SDK1: variants seen among roughly 807,000 people sequenced by gnomAD.
SDK1 encodes the protein sidekick cell adhesion molecule 1.
A neutral mutation model predicts 245.5 loss-of-function variants in SDK1; 157 were observed. The ratio of observed to expected loss-of-function variants is 0.64; its 90% CI spans 0.56 to 0.73. SDK1 has a LOEUF of 0.73. Ranked by LOEUF, SDK1 falls within the 30% of genes least tolerant of loss-of-function variation. The pLI, the probability that SDK1 is intolerant of heterozygous loss-of-function variation, is 0.00. For missense variants in SDK1, 3,583 were observed against 3,002.3 expected, an observed-to-expected ratio of 1.19 and a Z score of -4.52; for synonymous variants, 1,647 against 1,278.5, an observed-to-expected ratio of 1.29 and a Z score of -6.15.
chr7:3,389,004 C>T (rs535051873), intron 1 of SDK1, among the ~76,000 whole-genome samples: 12 of 152,292 alleles, frequency 7.9e-5, no homozygotes, highest in African/African-American at 2.9e-4. Context: ...TACAGAATCA[C>T]TGATGGGGTC....
At chr7:3,890,010 T>G (rs1260423983) in intron 5 of SDK1, among the ~76,000 whole-genome samples, 2 of 152,096 alleles carry the variant, frequency 1.3e-5, no homozygotes, top group African/African-American at 2.4e-5. Context: ...CTCTGACTGG[T>G]TCAGTGGTCA....
intron 4 of SDK1, among the ~76,000 whole-genome samples, chr7:3,706,321 G>A (rs1784888301): frequency 6.6e-6 from 1 of 152,190 alleles, no homozygotes; most frequent in African/African-American, 2.4e-5. Flanking sequence ...CAGTCTTTTG[G>A]AATAGTTTCA....
intron 25 of SDK1, among the ~76,000 whole-genome samples, chr7:4,126,388 G>A (rs1784391100): frequency 6.6e-6 from 1 of 152,256 alleles, no homozygotes; most frequent in African/African-American, 2.4e-5. Flanking sequence ...GTTCAGTGAT[G>A]TTGTACACAG....
chr7:3,876,489 T>G (rs1160360423), intron 5 of SDK1, among the ~76,000 whole-genome samples: 4 of 152,208 alleles, frequency 2.6e-5, no homozygotes, highest in Non-Finnish European at 4.4e-5. Context: ...TCTCCTAAAA[T>G]GAACAGATGC....
chr7:3,590,936 C>T (rs1342613097), intron 1 of SDK1, among the ~76,000 whole-genome samples: 3 of 152,102 alleles, frequency 2.0e-5, no homozygotes, highest in African/African-American at 4.8e-5. Flanking sequence ...GCATGTGCCA[C>T]CACACGTGGC....
At chr7:3,761,068 G>T (rs1251328451) in intron 4 of SDK1, among the ~76,000 whole-genome samples, 1 of 152,096 alleles carries the variant, frequency 6.6e-6, no homozygotes, top group Non-Finnish European at 1.5e-5. Context: ...ACGTAGGAGT[G>T]GGTCAGATAA....
intron 1 of SDK1, among the ~76,000 whole-genome samples, chr7:3,474,472 C>G (rs532062712): frequency 1.3e-5 from 2 of 152,150 alleles, no homozygotes; most frequent in South Asian, 4.2e-4. Flanking sequence ...CTCAGTCTCT[C>G]CCTCCAGTCC....
At chr7:4,168,607 T>A (rs1282020503) in intron 32 of SDK1, among the ~76,000 whole-genome samples, 1 of 152,110 alleles carries the variant, frequency 6.6e-6, no homozygotes, top group African/African-American at 2.4e-5. Flanking sequence ...GCTTCCCTCC[T>A]CCCCCAGAAG....
At chr7:4,145,991 G>A in intron 29 of SDK1, 75 bp downstream of exon 29, 1 of 1,352,082 alleles carries the variant, frequency 7.4e-7, no homozygotes, top group South Asian at 1.4e-5. Flanking sequence ...TCTGGGGTCT[G>A]CGGGGTACCT....
At chr7:3,688,808 C>T (rs1355136279) in intron 4 of SDK1, among the ~76,000 whole-genome samples, 1 of 152,178 alleles carries the variant, frequency 6.6e-6, no homozygotes, top group African/African-American at 2.4e-5. Context: ...GATCCTGCCT[C>T]CATTCTGAGG....
rs11505475 is a variant in SDK1, at chr7:3,669,625, A to G, written c.713+27520A>G. 1.9e-3 allele frequency among the ~76,000 whole-genome samples: 286 copies of G among 152,074 alleles called. 1 individual carries two copies. Among genetic ancestry groups the G allele is most frequent in the African/African-American group, 6.1e-3 (253 of 41,484 alleles). ...TGTCTTTAAACCTTGGATTTCCTCA[A>G]TCCTTGGTCCTAGCACTTCACTACC... On this transcript the variant is annotated intron_variant, in intron 4 of 44. Transcript: ENST00000404826.
chr7:4,185,221 G>A (rs1782817837), intron 35 of SDK1, among the ~76,000 whole-genome samples: 1 of 152,174 alleles, frequency 6.6e-6, no homozygotes. Context: ...TGACTAGGTG[G>A]CCAGAAATTT....
At chr7:3,624,979 C>T (rs1782069119) in intron 2 of SDK1, among the ~76,000 whole-genome samples, 1 of 152,038 alleles carries the variant, frequency 6.6e-6, no homozygotes, top group Non-Finnish European at 1.5e-5. Context: ...GCGGAGGTTG[C>T]AGTAAGCCAA....
intron 5 of SDK1, among the ~76,000 whole-genome samples, chr7:3,895,818 C>T (rs1054491827): frequency 3.9e-5 from 6 of 152,272 alleles, no homozygotes; most frequent in South Asian, 2.1e-4. Context: ...TTCTAATTCC[C>T]TTTGCATTTT....
At chr7:4,101,307 C>G (rs565801454) in intron 22 of SDK1, among the ~76,000 whole-genome samples, 3 of 152,074 alleles carry the variant, frequency 2.0e-5, no homozygotes, top group African/African-American at 7.2e-5. Context: ...ACACCACGCC[C>G]GGCTAATTTT....
In SDK1 at chr7:4,110,672, A is replaced by G. The variant is rs201628045; in HGVS notation, c.3334A>G (p.Ile1112Val). 2.3e-4 allele frequency: 375 copies of G among 1,612,220 alleles called. No individual in the cohort carries two copies. The highest frequency in any genetic ancestry group is 1.9e-4 in the Non-Finnish European group (220 of 1,178,796). Residue 1112 changes from isoleucine to valine, a missense_variant, in exon 23 of 45, where the codon ATC becomes GTC. Ile to Val is a conservative substitution (Grantham distance 29). Transcript: ENST00000404826. ...GTCTCCCTCTGCACAGGTGGGAGCT[A>G]TCGGCGACGAGGAGGAGTGGGTCAC... ...RWIVEGQVGA[I>V]GDEEEWVTLY... is the part of the protein sequence containing the mutation.
chr7:3,810,283 A>G (rs1437778232), intron 4 of SDK1, among the ~76,000 whole-genome samples: 2 of 152,132 alleles, frequency 1.3e-5, no homozygotes, highest in Admixed American at 6.5e-5. Context: ...TCCACTGTTT[A>G]AGGATCTAAA....
intron 4 of SDK1, among the ~76,000 whole-genome samples, chr7:3,711,709 G>C (rs1785055823): frequency 6.6e-6 from 1 of 152,168 alleles, no homozygotes; most frequent in African/African-American, 2.4e-5. Flanking sequence ...CAGGCAAAGG[G>C]TCAAGGCAGG....
intron 4 of SDK1, among the ~76,000 whole-genome samples, chr7:3,758,124 G>C (rs541298712): frequency 1.3e-5 from 2 of 152,136 alleles, no homozygotes; most frequent in African/African-American, 4.8e-5. Flanking sequence ...GCAGGGAAGA[G>C]TATCAAAGAA....
Sources: allele counts gnomAD v4.1 joint callset (sites outside exome capture counted in the v4.1 genomes callset), GRCh38; gene constraint gnomAD v4.1.1; transcripts MANE v1.5; gene names NCBI Gene and HGNC (gene_info 2026-07-23, HGNC 2026-07-21).